The following ABHD2 variants were observed in gnomAD, a reference collection of about 807,000 sequenced individuals.
ABHD2 encodes the protein abhydrolase domain containing 2, acylglycerol lipase, also known as monoacylglycerol lipase ABHD2.
ABHD2 carries 20 observed loss-of-function variants against 48.1 expected under a neutral mutation model. That is an observed-to-expected ratio of 0.42 (90% CI 0.29 to 0.60). The LOEUF is 0.60. ABHD2 is among the 20% of genes least tolerant of loss of function. The pLI, the probability that ABHD2 is intolerant of heterozygous loss-of-function variation, is 0.24. For missense variants in ABHD2, 405 were observed against 550.9 expected (o/e 0.74, Z 2.65); for synonymous variants, 209 against 214.2 (o/e 0.98, Z 0.21).
chr15:89,180,656 C>T (rs560709566), intron 6 of ABHD2, among the ~76,000 whole-genome samples: 32 of 152,298 alleles, frequency 2.1e-4, no homozygotes, highest in Admixed American at 1.3e-3. Flanking sequence ...ACCATCCCTC[C>T]TCCCAGAGGC....
rs766858386 is a variant in ABHD2, at chr15:89,116,339, G to A, written c.12G>A (p.Met4Ile). The change falls in exon 3 of 11, where the codon ATG (methionine) becomes ATA (isoleucine). Residue 4 changes from methionine to isoleucine, a missense_variant. Met to Ile is a conservative substitution (Grantham distance 10). Coordinates refer to ENST00000352732, the MANE Select transcript of ABHD2 (RefSeq NM_152924.5). This position sits in a 1 kb window ranked among gnomAD's most constrained non-coding sequence, Gnocchi z 4.6. MNA[M>I]LETPELPAVF... Reference sequence around the variant, plus strand: ...CTCCCCAGATCAAGATGAATGCCATGCTGGAGACTCCCGAACTCCCAGCCG... The same window carrying A: ...CTCCCCAGATCAAGATGAATGCCATACTGGAGACTCCCGAACTCCCAGCCG... 8.1e-6 allele frequency: 13 copies of A among 1,613,774 alleles called. No individual in the cohort carries two copies. Among genetic ancestry groups the A allele is most frequent in the South Asian group, 3.3e-5 (3 of 91,066 alleles).
chr15:89,069,015 C>T, the ABHD2 span, among the ~76,000 whole-genome samples: 5 of 151,732 alleles, frequency 3.3e-5, no homozygotes, highest in Non-Finnish European at 2.9e-5. Context: ...GATCCACTCA[C>T]CTCAGCCTCC....
At chr15:89,067,690 C>G in the ABHD2 span, among the ~76,000 whole-genome samples, 1 of 152,188 alleles carries the variant, frequency 6.6e-6, no homozygotes. Context: ...CAGCTTTTCT[C>G]GAACACCCCA....
intron 3 of ABHD2, among the ~76,000 whole-genome samples, chr15:89,139,686 G>T (rs571393989): frequency 6.6e-6 from 1 of 152,248 alleles, no homozygotes; most frequent in South Asian, 2.1e-4. Flanking sequence ...AAACAAATCT[G>T]TTTGTCAGAG....
chr15:89,056,748 C>A, the ABHD2 span, among the ~76,000 whole-genome samples: 2 of 152,248 alleles, frequency 1.3e-5, no homozygotes, highest in South Asian at 2.1e-4. Context: ...ACAACATGAC[C>A]TTGAGTGAGT....
chr15:89,178,770 C>T (rs1190479435), intron 6 of ABHD2, among the ~76,000 whole-genome samples: 1 of 152,190 alleles, frequency 6.6e-6, no homozygotes, highest in Non-Finnish European at 1.5e-5. Flanking sequence ...CGCCTGGGGA[C>T]TCTGTGTGGT....
the ABHD2 span, among the ~76,000 whole-genome samples, chr15:89,077,374 A>G: frequency 6.6e-6 from 1 of 152,208 alleles, no homozygotes; most frequent in Admixed American, 6.5e-5. Context: ...CAATCTGTTT[A>G]TCCATTCTAG....
chr15:89,100,788 G>C lies in ABHD2; in HGVS notation c.-107+12225G>C, dbSNP rs2049689471. Among the ~76,000 whole-genome samples the C allele has an allele frequency of 6.6e-6, 1 of 152,124 alleles. No individual in the cohort carries two copies. The highest frequency in any genetic ancestry group is 2.1e-4 in the South Asian group (1 of 4,832). The stretch of plus-strand genomic sequence containing the variant: ...GGAGGCTGAGGCAGGAGAATTGCTG[G>C]AACCCAGGAGGCGGAGGTTGCTGTG... On this transcript the variant is annotated intron_variant, in intron 1 of 10. Transcript: ENST00000352732. The surrounding 1 kb of genome is among the most constrained non-coding windows in gnomAD (Gnocchi z 4.4).
the ABHD2 span, among the ~76,000 whole-genome samples, chr15:89,054,605 C>T: frequency 6.6e-6 from 1 of 151,774 alleles, no homozygotes; most frequent in Non-Finnish European, 1.5e-5. Context: ...CGTTTGAACC[C>T]AGCAGAGGAG....
intron 3 of ABHD2, among the ~76,000 whole-genome samples, chr15:89,125,949 G>T (rs941261935): frequency 3.9e-5 from 6 of 152,116 alleles, no homozygotes; most frequent in Non-Finnish European, 8.8e-5. Context: ...TCTAAAAAAA[G>T]GTTCGGAATC....
the ABHD2 span, among the ~76,000 whole-genome samples, chr15:89,056,908 C>CGTTTTTTTT: frequency 1.1e-5 from 1 of 87,418 alleles, no homozygotes; most frequent in Non-Finnish European, 2.1e-5. Context: ...TAAGTGATAC[C>CGTTTTTTTT]TTTTTTTTTT....
chr15:89,105,215 C>T (rs2049765519), intron 1 of ABHD2, among the ~76,000 whole-genome samples: 2 of 152,336 alleles, frequency 1.3e-5, no homozygotes, highest in South Asian at 4.1e-4. Context: ...AGCTTCCTTT[C>T]AGTATTTTAG....
At chr15:89,045,401 TC>T in the ABHD2 span, among the ~76,000 whole-genome samples, 2 of 152,204 alleles carry the variant, frequency 1.3e-5, no homozygotes, top group African/African-American at 4.8e-5. Context: ...CTTTTTTGGT[TC>T]CATATGAACT....
intron 3 of ABHD2, among the ~76,000 whole-genome samples, chr15:89,136,988 T>C (rs1354393772): frequency 6.6e-6 from 1 of 152,220 alleles, no homozygotes. Context: ...CCTGTTTGGT[T>C]AGCACAGAGT....
intron 1 of ABHD2, among the ~76,000 whole-genome samples, chr15:89,111,783 AAG>A (rs2150806014): frequency 6.6e-6 from 1 of 152,332 alleles, no homozygotes; most frequent in South Asian, 2.1e-4. Context: ...TAGATTCAGT[AAG>A]GGTGTTTTCT....
In ABHD2 at chr15:89,189,872, T is replaced by C. The variant is rs548335406; in HGVS notation, c.927-1208T>C. Reference sequence around the variant, plus strand: ...GTTTCTCAACACTCTCTAAAGTCTTTCCTCTTTAATAGCGTTGGAAAATAG... The same window carrying C: ...GTTTCTCAACACTCTCTAAAGTCTTCCCTCTTTAATAGCGTTGGAAAATAG... On this transcript the variant is annotated intron_variant, in intron 8 of 10. Transcript: ENST00000352732. This position sits in a 1 kb window ranked among gnomAD's most constrained non-coding sequence, Gnocchi z 4.9. Among the ~76,000 whole-genome samples, 42 of 152,308 alleles carry C rather than the reference T, an allele frequency of 2.8e-4. No homozygotes were observed. The highest frequency in any genetic ancestry group is 2.9e-4 in the African/African-American group (12 of 41,564).
intron 3 of ABHD2, chr15:89,136,541 A>G (rs1430006601): frequency 2.8e-5 from 9 of 320,920 alleles, no homozygotes; most frequent in African/African-American, 1.3e-4. Context: ...CCCAGTGCCC[A>G]TCTGGCTCTC....
chr15:89,143,092 G>A (rs946359383), intron 3 of ABHD2, among the ~76,000 whole-genome samples: 3 of 151,814 alleles, frequency 2.0e-5, no homozygotes, highest in Non-Finnish European at 2.9e-5. Context: ...GTCATTAATC[G>A]TTTTTTTGTC....
At position 89,188,342 on chromosome 15, in the gene ABHD2, G is replaced by T. The variant is rs2051248082; in HGVS notation, c.926+39G>T. On this transcript the variant is annotated intron_variant, in intron 8 of 10. Coordinates refer to ENST00000352732, the MANE Select transcript of ABHD2 (RefSeq NM_152924.5). This position sits in a 1 kb window ranked among gnomAD's most constrained non-coding sequence, Gnocchi z 4.1. ...GGCGGGAGAGGGACGCTCTGGGGCA[G>T]GGTGCCAGGCAGGAGGCTGCAGGTC... 2.5e-6 allele frequency: 4 copies of T among 1,591,816 alleles called. No homozygotes were observed. The highest frequency in any genetic ancestry group is 4.5e-5 in the East Asian group (2 of 44,750).
Sources: gnomAD v4.1 joint callset for allele counts (sites outside exome capture counted in the v4.1 genomes callset) on GRCh38, gnomAD v4.1.1 for gene constraint, Gnocchi (gnomAD v3.1) non-coding constraint, MANE v1.5 for transcripts, NCBI Gene and HGNC (gene_info 2026-07-23, HGNC 2026-07-21) for gene names.